Variants in EHBP1 observed in about 807,000 individuals in gnomAD.
EHBP1 encodes the protein EH domain-binding protein 1.
A neutral mutation model predicts 144.0 loss-of-function variants in EHBP1; 55 were observed. The ratio of observed to expected loss-of-function variants is 0.38; its 90% CI spans 0.31 to 0.48. EHBP1 has a LOEUF of 0.48. EHBP1 is among the 20% of genes least tolerant of loss of function. The pLI is 0.98. For synonymous variants in EHBP1, 469 were observed against 472.7 expected, an observed-to-expected ratio of 0.99 and a Z score of 0.10; for missense variants, 1,200 against 1,364.2, an observed-to-expected ratio of 0.88 and a Z score of 1.90.
At chr2:62,796,644 C>G (rs2043554901) in intron 5 of EHBP1, among the ~76,000 whole-genome samples, 2 of 151,970 alleles carry the variant, frequency 1.3e-5, no homozygotes, top group African/African-American at 4.8e-5. Context: ...ATTCAAAGTT[C>G]CAATGCAGCT....
intron 3 of EHBP1, among the ~76,000 whole-genome samples, chr2:62,756,858 A>G: frequency 6.6e-6 from 1 of 152,010 alleles, no homozygotes; most frequent in East Asian, 1.9e-4. Context: ...AGTTCCAGAA[A>G]CTATGAAGGA....
chr2:62,995,002 C>T (rs1292846733), intron 18 of EHBP1, among the ~76,000 whole-genome samples: 1 of 152,082 alleles, frequency 6.6e-6, no homozygotes, highest in African/African-American at 2.4e-5. Flanking sequence ...ATCACTTCTG[C>T]TTCCTTATGT....
chr2:62,747,372 T>A (rs1410958346), intron 2 of EHBP1, 23 bp from the exon 3 acceptor site: 3 of 1,602,220 alleles, frequency 1.9e-6, no homozygotes, highest in Non-Finnish European at 2.6e-6. Context: ...TAAATTATGT[T>A]TAACTTTTTT....
intron 5 of EHBP1, among the ~76,000 whole-genome samples, chr2:62,798,088 C>T (rs959291811): frequency 5.3e-5 from 8 of 152,140 alleles, no homozygotes; most frequent in East Asian, 1.9e-4. Flanking sequence ...AAATAAAGGC[C>T]GGGTGTGGTG....
intron 5 of EHBP1, among the ~76,000 whole-genome samples, chr2:62,790,094 A>G (rs577024491): frequency 6.6e-6 from 1 of 152,320 alleles, no homozygotes; most frequent in Admixed American, 6.5e-5. Context: ...TTATATTTCC[A>G]CTGTAGCAGC....
intron 14 of EHBP1, among the ~76,000 whole-genome samples, chr2:62,966,120 T>A (rs897493364): frequency 4.6e-5 from 7 of 152,250 alleles, no homozygotes; most frequent in Middle Eastern, 3.2e-3. Flanking sequence ...TTTATTTTTC[T>A]TGTCACTTCA....
chr2:62,961,502 G>A (rs2153135679), intron 14 of EHBP1, among the ~76,000 whole-genome samples: 1 of 152,136 alleles, frequency 6.6e-6, no homozygotes, highest in South Asian at 2.1e-4. Flanking sequence ...ACTAATGTAA[G>A]TTTTAGGTGT....
chr2:62,960,403 A>G (rs1468542040), intron 14 of EHBP1, among the ~76,000 whole-genome samples: 3 of 152,120 alleles, frequency 2.0e-5, no homozygotes, highest in Non-Finnish European at 4.4e-5. Context: ...ATTAGTTTCT[A>G]GTGAAATAGC....
intron 14 of EHBP1, 73 bp from the exon 15 acceptor site, chr2:62,979,115 C>A: frequency 6.7e-7 from 1 of 1,493,698 alleles, no homozygotes; most frequent in East Asian, 2.3e-5. Context: ...CAGTTACTAT[C>A]ATGATGATCA....
In EHBP1 at chr2:62,752,302, G is replaced by T. The variant is rs373497194; in HGVS notation, c.162+4850G>T. Among the ~76,000 whole-genome samples, 41 of 152,236 alleles carry T rather than the reference G, an allele frequency of 2.7e-4. No homozygotes were observed. In the East Asian group the frequency reaches 6.6e-3, roughly 24 times the overall value. On this transcript the variant is annotated intron_variant, in intron 3 of 22. Transcript: ENST00000431489. ...ATGTAGTTGAGCGGTTTTGAGTGAG[G>T]TTCTTAATCCTGAGTTCTAGTTTGA...
chr2:62,701,921 T>A (rs757725856), upstream of EHBP1, among the ~76,000 whole-genome samples: 6 of 152,158 alleles, frequency 3.9e-5, no homozygotes, highest in African/African-American at 1.4e-4. Flanking sequence ...GCAAATCTTA[T>A]TACTAGGAAT....
chr2:62,857,670 T>C (rs914597934), intron 7 of EHBP1, among the ~76,000 whole-genome samples: 1 of 152,198 alleles, frequency 6.6e-6, no homozygotes, highest in Admixed American at 6.5e-5. Context: ...AGGTTCTTAT[T>C]TGAGTAGTCT....
At chr2:63,017,220 C>T (rs2060521855) in intron 19 of EHBP1, among the ~76,000 whole-genome samples, 1 of 152,154 alleles carries the variant, frequency 6.6e-6, no homozygotes, top group Non-Finnish European at 1.5e-5. Context: ...GATGGGGTTT[C>T]ACCATGTTGG....
intron 7 of EHBP1, among the ~76,000 whole-genome samples, chr2:62,844,470 A>G (rs1285577064): frequency 6.6e-6 from 1 of 152,144 alleles, no homozygotes; most frequent in Non-Finnish European, 1.5e-5. Context: ...TAGACCTTGG[A>G]GCTGGAGAAA....
intron 19 of EHBP1, among the ~76,000 whole-genome samples, chr2:63,006,851 T>A (rs2060059088): frequency 6.6e-6 from 1 of 151,778 alleles, no homozygotes; most frequent in Non-Finnish European, 1.5e-5. Flanking sequence ...CAGGATCTCC[T>A]GCATACTTAA....
intron 7 of EHBP1, among the ~76,000 whole-genome samples, chr2:62,841,106 A>G (rs2047802718): frequency 6.6e-6 from 1 of 152,166 alleles, no homozygotes; most frequent in African/African-American, 2.4e-5. Context: ...TCCAACAATG[A>G]TAGACTGGAT....
chr2:62,917,091 T>G (rs1238893820), intron 10 of EHBP1, among the ~76,000 whole-genome samples: 1 of 152,188 alleles, frequency 6.6e-6, no homozygotes, highest in Non-Finnish European at 1.5e-5. Context: ...TGTAGTGTAC[T>G]ACACGACTAG....
chr2:62,686,271 A>T (rs2033715648), intron 1 of EHBP1, among the ~76,000 whole-genome samples: 1 of 152,334 alleles, frequency 6.6e-6, no homozygotes, highest in East Asian at 1.9e-4. Flanking sequence ...ACCCATAAAT[A>T]ATATACTGCA....
intron 6 of EHBP1, 70 bp downstream of exon 6, chr2:62,826,338 A>G (rs1022402996): frequency 2.2e-6 from 3 of 1,392,406 alleles, no homozygotes; most frequent in Non-Finnish European, 1.9e-6. Context: ...GACTCAGTAG[A>G]CTGGCAATAG....
Sources: allele counts gnomAD v4.1 joint callset (sites outside exome capture counted in the v4.1 genomes callset), GRCh38; gene constraint gnomAD v4.1.1; transcripts MANE v1.5; gene names NCBI Gene and HGNC (gene_info 2026-07-23, HGNC 2026-07-21).